The following CRYL1 variants were observed in gnomAD, a reference collection of about 807,000 sequenced individuals.
CRYL1 encodes the protein crystallin lambda 1, also known as lambda-crystallin homolog.
In CRYL1, 29 loss-of-function variants were observed where a neutral mutation model predicts 36.6. The observed-to-expected ratio is 0.79, with a 90% CI of 0.59 to 1.08. The LOEUF (loss-of-function observed/expected upper bound fraction) is 1.08, where lower values mean the gene tolerates loss of function less well. Ranked by LOEUF, CRYL1 falls within the 50% of genes least tolerant of loss-of-function variation. The probability of loss-of-function intolerance (pLI) is 0.00; values close to 1 mark genes in which losing one functional copy is unlikely to be tolerated. For synonymous variants in CRYL1, 152 were observed against 151.5 expected, an observed-to-expected ratio of 1.00 and a Z score of -0.02; for missense variants, 411 against 407.9, an observed-to-expected ratio of 1.01 and a Z score of -0.06.
intron 6 of CRYL1, chr13:20,405,847 G>T (rs565904323): frequency 6.6e-6 from 1 of 152,364 alleles, no homozygotes; most frequent in Non-Finnish European, 1.5e-5. Context: ...GCGCAGGCCA[G>T]TCACGGCCCC....
At chr13:20,471,006 T>C (rs1439989741) in intron 3 of CRYL1, among the ~76,000 whole-genome samples, 5 of 151,802 alleles carry the variant, frequency 3.3e-5, no homozygotes, top group African/African-American at 1.2e-4. Flanking sequence ...TGGTCTGAGT[T>C]TCACTTAATG....
rs1230486198 is a variant in CRYL1, at chr13:20,415,031, T to C, written c.634-1644A>G. On this transcript the variant is annotated intron_variant, in intron 5 of 7. Transcript: ENST00000298248. This position sits in a 1 kb window ranked among gnomAD's most constrained non-coding sequence, Gnocchi z 4.1. ...TGGCCCGCCTGCGAGAGCCCGACCG[T>C]GGACGATGCGTCGCGCCCTTCCCAT... is the stretch of plus-strand genomic sequence containing the variant. 6.6e-6 allele frequency among the ~76,000 whole-genome samples: 1 copy of C among 152,162 alleles called. No individual in the cohort carries two copies. The highest frequency in any genetic ancestry group is 1.5e-5 in the Non-Finnish European group (1 of 68,016).
At chr13:20,449,426 GA>G (rs2137415318) in intron 3 of CRYL1, among the ~76,000 whole-genome samples, 1 of 152,028 alleles carries the variant, frequency 6.6e-6, no homozygotes, top group East Asian at 1.9e-4. Context: ...CAATAGTGAA[GA>G]TAAAATAGAA....
At chr13:20,523,696 G>A (rs1214683612) in intron 1 of CRYL1, among the ~76,000 whole-genome samples, 1 of 152,032 alleles carries the variant, frequency 6.6e-6, no homozygotes, top group Non-Finnish European at 1.5e-5. Flanking sequence ...AGCTGGGTGT[G>A]TGCTGAAGTG....
chr13:20,497,833 C>T (rs1000294692), intron 2 of CRYL1, among the ~76,000 whole-genome samples: 2 of 151,024 alleles, frequency 1.3e-5, no homozygotes, highest in African/African-American at 4.9e-5. Context: ...CACCACCATA[C>T]ATACACCACA....
intron 1 of CRYL1, among the ~76,000 whole-genome samples, chr13:20,517,436 A>T (rs539136082): frequency 1.3e-4 from 20 of 151,912 alleles, no homozygotes. Context: ...CTCTACTGAA[A>T]ATACAAAAAT....
At chr13:20,475,285 G>GA (rs1209642736) in intron 3 of CRYL1, among the ~76,000 whole-genome samples, 1 of 152,208 alleles carries the variant, frequency 6.6e-6, no homozygotes, top group Non-Finnish European at 1.5e-5. Flanking sequence ...GGTTCCAGCT[G>GA]GAGTCCAAGC....
In CRYL1 at chr13:20,481,932, C is replaced by CATA. The variant is rs1368965963; in HGVS notation, c.276+7435_276+7437dup. Among the ~76,000 whole-genome samples the CATA allele has an allele frequency of 3.3e-5, 5 of 152,030 alleles. No individual in the cohort carries two copies. The highest frequency in any genetic ancestry group is 5.9e-5 in the Non-Finnish European group (4 of 67,994). ...ATCTCGAAAGGAAAAAGAAAAAACA[C>CATA]ATACAACAGAAAAAGTGTAACTCCA... On this transcript the variant is annotated intron_variant, in intron 3 of 7. Coordinates refer to ENST00000298248, the MANE Select transcript of CRYL1 (RefSeq NM_015974.3). This position sits in a 1 kb window ranked among gnomAD's most constrained non-coding sequence, Gnocchi z 4.1.
intron 5 of CRYL1, among the ~76,000 whole-genome samples, chr13:20,426,057 G>A (rs573670912): frequency 1.3e-5 from 2 of 152,130 alleles, no homozygotes; most frequent in African/African-American, 4.8e-5. Flanking sequence ...CCCTGCTCAG[G>A]AAATCAAATG....
chr13:20,480,653 G>T (rs2033257553), intron 3 of CRYL1, among the ~76,000 whole-genome samples: 1 of 152,214 alleles, frequency 6.6e-6, no homozygotes, highest in African/African-American at 2.4e-5. Context: ...TGAGACACAG[G>T]CAGGTCACTG....
chr13:20,460,831 T>C (rs1435262815), intron 3 of CRYL1, among the ~76,000 whole-genome samples: 1 of 152,156 alleles, frequency 6.6e-6, no homozygotes, highest in African/African-American at 2.4e-5. Flanking sequence ...CGCCGGCAGC[T>C]GCTGTTTTCT....
chr13:20,480,194 A>G (rs894328844), intron 3 of CRYL1, among the ~76,000 whole-genome samples: 8 of 152,186 alleles, frequency 5.3e-5, no homozygotes, highest in African/African-American at 1.9e-4. Context: ...CAGCTTGGCC[A>G]GCATGGTGAA....
intron 5 of CRYL1, chr13:20,426,792 A>G (rs979888565): frequency 4.1e-6 from 4 of 985,400 alleles, no homozygotes; most frequent in Non-Finnish European, 4.8e-6. Flanking sequence ...AGTAAAGCTC[A>G]ACGATGAAGT....
intron 3 of CRYL1, among the ~76,000 whole-genome samples, chr13:20,486,462 A>G (rs1177286956): frequency 1.2e-5 from 1 of 84,572 alleles, no homozygotes; most frequent in Admixed American, 1.3e-4. Context: ...CAATCCTCCC[A>G]CCCCCACCCC....
intron 3 of CRYL1, among the ~76,000 whole-genome samples, chr13:20,483,923 T>G (rs2033337663): frequency 6.6e-6 from 1 of 151,874 alleles, no homozygotes; most frequent in South Asian, 2.1e-4. Context: ...TTCAAGTGAT[T>G]CCCCTGCCTC....
At position 20,426,646 on chromosome 13, in the gene CRYL1, T is replaced by A. The variant is rs1008540452; in HGVS notation, c.633+5456A>T. 6.1e-6 allele frequency: 6 copies of A among 978,070 alleles called. No homozygotes were observed. In the African/African-American group the frequency reaches 8.8e-5, roughly 14 times the overall value. The allele number at this position is 978,070 out of a possible 1,614,324, so 60.6% of individuals were successfully genotyped here. A position where few individuals can be genotyped will look rare whatever the true frequency, so the allele number is the denominator to read the frequency against. On this transcript the variant is annotated intron_variant, in intron 5 of 7. Coordinates refer to ENST00000298248, the MANE Select transcript of CRYL1 (RefSeq NM_015974.3). ...CAGAGCCAGGGACGTGGTATGTGCATACAAATGATATTCAACAGAAACCTT... is the reference window on the plus strand; with the variant it reads ...CAGAGCCAGGGACGTGGTATGTGCAAACAAATGATATTCAACAGAAACCTT...
chr13:20,413,395 G>C lies in CRYL1; in HGVS notation c.634-8C>G. Reference sequence around the variant, plus strand: ...AGGAGACACGATTCCTTCCTACGTGGAGAAATTGGGCGGCATAGATGAGTT... The same window carrying C: ...AGGAGACACGATTCCTTCCTACGTGCAGAAATTGGGCGGCATAGATGAGTT... On this transcript the variant is annotated splice_polypyrimidine_tract_variant and splice_region_variant and intron_variant, in intron 5 of 7. Transcript: ENST00000298248. 1 of 1,576,336 alleles carries C rather than the reference G, an allele frequency of 6.3e-7. No homozygotes were observed. The highest frequency in any genetic ancestry group is 8.7e-7 in the Non-Finnish European group (1 of 1,148,500).
rs529391325 is a variant in CRYL1, at chr13:20,444,241, C to T, written c.277-4487G>A. ...AACTGCACTATGCTCTAACCAGGAG[C>T]TTGTTTTTTCCTTAAAAATCAAAAT... On this transcript the variant is annotated intron_variant, in intron 3 of 7. Coordinates refer to ENST00000298248, the MANE Select transcript of CRYL1 (RefSeq NM_015974.3). Among the ~76,000 whole-genome samples the T allele has an allele frequency of 7.2e-5, 11 of 152,264 alleles. No individual in the cohort carries two copies. The South Asian group carries it at 2.1e-3, about 29-fold the overall frequency.
At chr13:20,522,911 C>CTTTTTTTTTTTTTTTTTTT (rs386378385) in intron 1 of CRYL1, among the ~76,000 whole-genome samples, 2 of 82,956 alleles carry the variant, frequency 2.4e-5, no homozygotes, top group Admixed American at 2.0e-4. Context: ...CCCATTTCTA[C>CTTTTTTTTTTTTTTTTTTT]TTTTTTTTTT....
Sources: gnomAD v4.1 joint callset for allele counts (sites outside exome capture counted in the v4.1 genomes callset) on GRCh38, gnomAD v4.1.1 for gene constraint, Gnocchi (gnomAD v3.1) non-coding constraint, MANE v1.5 for transcripts, NCBI Gene and HGNC (gene_info 2026-07-23, HGNC 2026-07-21) for gene names.